The following FOXP1 variants were observed in gnomAD, a reference collection of about 807,000 sequenced individuals.
The protein encoded by FOXP1 is forkhead box P1.
In FOXP1, 15 loss-of-function variants were observed where a neutral mutation model predicts 98.2. That is an observed-to-expected ratio of 0.15 (90% CI 0.10 to 0.24). The LOEUF is 0.24. FOXP1 is among the 10% of genes least tolerant of loss of function. The pLI, the probability that FOXP1 is intolerant of heterozygous loss-of-function variation, is 1.00. For synonymous variants in FOXP1, 371 were observed against 314.5 expected (o/e 1.18, Z -1.90); for missense variants, 633 against 848.5 (o/e 0.75, Z 3.15).
chr3:71,074,897 T>G (rs1439186291), intron 7 of FOXP1, among the ~76,000 whole-genome samples: 1 of 152,190 alleles, frequency 6.6e-6, no homozygotes, highest in African/African-American at 2.4e-5. Flanking sequence ...TCTCCTTGAT[T>G]AAGCAGTTTC....
At chr3:71,441,328 G>A (rs898759079) in intron 3 of FOXP1, among the ~76,000 whole-genome samples, 2 of 152,248 alleles carry the variant, frequency 1.3e-5, no homozygotes, top group African/African-American at 4.8e-5. Flanking sequence ...ATGAATGGCA[G>A]AGGCAAGGAT....
chr3:71,557,355 G>GA (rs962721131), intron 2 of FOXP1, among the ~76,000 whole-genome samples: 17 of 139,300 alleles, frequency 1.2e-4, no homozygotes, highest in East Asian at 2.0e-4. Flanking sequence ...ATCTTTCTCT[G>GA]AAAAAAAAAT....
intron 9 of FOXP1, among the ~76,000 whole-genome samples, chr3:71,049,191 C>T (rs1390358359): frequency 1.3e-5 from 2 of 152,068 alleles, no homozygotes; most frequent in Non-Finnish European, 2.9e-5. Flanking sequence ...GTTTCGGATC[C>T]CCTCCCTAGA....
At chr3:71,023,659 C>A (rs769938538) in intron 11 of FOXP1, among the ~76,000 whole-genome samples, 9 of 152,150 alleles carry the variant, frequency 5.9e-5, no homozygotes, top group Non-Finnish European at 1.5e-5. Flanking sequence ...AGCTTACTTT[C>A]AATGAGATTG....
At chr3:71,379,647 A>G (rs1223852125) in intron 3 of FOXP1, among the ~76,000 whole-genome samples, 2 of 152,200 alleles carry the variant, frequency 1.3e-5, no homozygotes, top group African/African-American at 4.8e-5. Flanking sequence ...ATTTCATGAA[A>G]TAAAAAAATT....
chr3:71,397,023 T>TATGTGTATATATATAC lies in FOXP1; in HGVS notation c.-167-37780_-167-37779insGTATATATATACACAT, dbSNP rs1553871544. Among the ~76,000 whole-genome samples, 21 of 24,058 alleles carry TATGTGTATATATATAC rather than the reference T, an allele frequency of 8.7e-4. 1 individual carries two copies. Among genetic ancestry groups the TATGTGTATATATATAC allele is most frequent in the Non-Finnish European group, 2.2e-3 (20 of 9,254 alleles). 15.8% of individuals were successfully genotyped at this position (24,058 alleles called of 152,430 possible). Reference sequence around the variant, plus strand: ...ATATATATGTGTATATATATATATATACATATATATGTGTATATATATATA... The same window carrying TATGTGTATATATATAC: ...ATATATATGTGTATATATATATATATATGTGTATATATATACACATATATATGTGTATATATATATA... On this transcript the variant is annotated intron_variant, in intron 3 of 20. Coordinates refer to ENST00000649528, the MANE Select transcript of FOXP1 (RefSeq NM_001349338.3).
intron 3 of FOXP1, among the ~76,000 whole-genome samples, chr3:71,381,692 C>T (rs1327350563): frequency 6.6e-6 from 1 of 151,966 alleles, no homozygotes; most frequent in Non-Finnish European, 1.5e-5. Flanking sequence ...AATCCACCCA[C>T]CTCAGTCTCC....
chr3:71,384,427 C>CA (rs2080417092), intron 3 of FOXP1, among the ~76,000 whole-genome samples: 2 of 152,288 alleles, frequency 1.3e-5, no homozygotes, highest in South Asian at 4.1e-4. Flanking sequence ...AGTTCTCTAA[C>CA]AAAAATCCAC....
chr3:71,427,440 GAA>G (rs753460097), intron 3 of FOXP1, among the ~76,000 whole-genome samples: 76 of 152,244 alleles, frequency 5.0e-4, no homozygotes, highest in Non-Finnish European at 4.7e-4. Flanking sequence ...GCGAGAACTG[GAA>G]ACCATGCCGC....
At position 71,497,163 on chromosome 3, in the gene FOXP1, C is replaced by T. The variant is rs918319190; in HGVS notation, c.-297-3608G>A. ...CCTTTCCACAGTACAGAGGCAAAAA[C>T]AAAAAAGAAAAGAAAAAAATGACAG... On this transcript the variant is annotated intron_variant, in intron 2 of 20. Transcript: ENST00000649528. Among the ~76,000 whole-genome samples, 7 of 149,948 alleles carry T rather than the reference C, an allele frequency of 4.7e-5. No individual in the cohort carries two copies. The East Asian group carries it at 1.4e-3, about 29-fold the overall frequency.
chr3:71,227,944 A>AG (rs57683918), intron 5 of FOXP1, among the ~76,000 whole-genome samples: 150,793 of 150,794 alleles, frequency 1, 75,396 homozygotes, highest in Non-Finnish European at 1. Flanking sequence ...AATGTGTATG[A>AG]CTATGCAGCT....
intron 2 of FOXP1, among the ~76,000 whole-genome samples, chr3:71,563,296 A>T (rs913697621): frequency 6.6e-6 from 1 of 152,104 alleles, no homozygotes; most frequent in Non-Finnish European, 1.5e-5. Context: ...TGTACATATG[A>T]CCCACTTCTG....
rs561967185 is a variant in FOXP1 at position 71,568,227 on chromosome 3, A to T, written c.-298+13322T>A. Among the ~76,000 whole-genome samples the T allele has an allele frequency of 2.6e-5, 4 of 152,322 alleles. No homozygotes were observed. In the South Asian group the frequency reaches 8.3e-4, roughly 32 times the overall value. On this transcript the variant is annotated intron_variant, in intron 2 of 20. Transcript: ENST00000649528. Reference sequence around the variant, plus strand: ...ATGGCTAAGATGTTGTACTCAATGCATATCTAGGAGAAGGTATGTGCTTCC... The same window carrying T: ...ATGGCTAAGATGTTGTACTCAATGCTTATCTAGGAGAAGGTATGTGCTTCC...
intron 2 of FOXP1, among the ~76,000 whole-genome samples, chr3:71,562,099 T>C (rs997960068): frequency 1.4e-4 from 22 of 152,164 alleles, no homozygotes; most frequent in African/African-American, 3.9e-4. Flanking sequence ...GTCTCAGTCT[T>C]GGGCTTCTAT....
intron 3 of FOXP1, among the ~76,000 whole-genome samples, chr3:71,447,223 C>T (rs896436736): frequency 6.6e-6 from 1 of 152,186 alleles, no homozygotes; most frequent in African/African-American, 2.4e-5. Context: ...ATACCTCTGT[C>T]TACACCTATG....
intron 5 of FOXP1, among the ~76,000 whole-genome samples, chr3:71,268,489 C>G (rs182146286): frequency 6.6e-6 from 1 of 151,978 alleles, no homozygotes; most frequent in Non-Finnish European, 1.5e-5. Context: ...TAATTAAAAC[C>G]GATCTTCTTC....
intron 5 of FOXP1, among the ~76,000 whole-genome samples, chr3:71,287,169 T>C (rs961586953): frequency 7.9e-5 from 12 of 152,174 alleles, no homozygotes; most frequent in African/African-American, 2.9e-4. Context: ...TGTTTTTAAA[T>C]ATGCCATATA....
chr3:70,989,140 A>C (rs931164912), intron 13 of FOXP1, among the ~76,000 whole-genome samples: 12 of 152,158 alleles, frequency 7.9e-5, no homozygotes, highest in African/African-American at 2.9e-4. Context: ...AAACAAATAT[A>C]GTTTATCTAT....
At chr3:71,470,909 C>A (rs2089279830) in intron 3 of FOXP1, among the ~76,000 whole-genome samples, 1 of 152,172 alleles carries the variant, frequency 6.6e-6, no homozygotes, top group Non-Finnish European at 1.5e-5. Context: ...ACCCACGTGA[C>A]CATGAGTCTG....
Sources: allele counts gnomAD v4.1 joint callset (sites outside exome capture counted in the v4.1 genomes callset), GRCh38; gene constraint gnomAD v4.1.1; transcripts MANE v1.5; gene names NCBI Gene and HGNC (gene_info 2026-07-23, HGNC 2026-07-21).